CCDC24: variants seen among roughly 807,000 people sequenced by gnomAD.
CCDC24 encodes the protein coiled-coil domain containing 24, also known as coiled-coil domain-containing protein 24.
In CCDC24, 34 loss-of-function variants were observed where a neutral mutation model predicts 31.6. That is an observed-to-expected ratio of 1.08 (90% confidence interval 0.82 to 1.43). CCDC24 has a LOEUF of 1.43. CCDC24 is among the 40% of genes most tolerant of loss of function. The probability of loss-of-function intolerance (pLI) is 0.00; values close to 1 mark genes in which losing one functional copy is unlikely to be tolerated. For missense variants in CCDC24, 426 were observed against 391.1 expected (o/e 1.09, Z -0.75); for synonymous variants, 175 against 157.3 (o/e 1.11, Z -0.84).
Position 43,996,168 on chromosome 1 carries a change from G to A in CCDC24, c.*8G>A, listed in dbSNP as rs2085853690. On this transcript the variant is annotated 3_prime_UTR_variant, in exon 9 of 9. Coordinates refer to ENST00000372318, the MANE Select transcript of CCDC24 (RefSeq NM_152499.4). ...CCCCAAGCCCCAGCCTGAAGGGCTG[G>A]TCACCGAGTAGGCTCTGGCTTCTGC... The A allele has an allele frequency of 6.4e-7, 1 of 1,561,188 alleles. No homozygotes were observed. The highest frequency in any genetic ancestry group is 1.4e-5 in the African/African-American group (1 of 73,376).
chr1:43,996,248 A>G lies in CCDC24; in HGVS notation c.*88A>G. On this transcript the variant is annotated 3_prime_UTR_variant, in exon 9 of 9. Coordinates refer to ENST00000372318, the MANE Select transcript of CCDC24 (RefSeq NM_152499.4). Reference sequence around the variant, plus strand: ...CAGCTGCTTTGGCCCAGCCAGCTTCAGATCTGGTCTTGGCGAGCTCTCGCC... The same window carrying G: ...CAGCTGCTTTGGCCCAGCCAGCTTCGGATCTGGTCTTGGCGAGCTCTCGCC... 7 of 1,257,556 alleles carry G rather than the reference A, an allele frequency of 5.6e-6. No homozygotes were observed. The highest frequency in any genetic ancestry group is 5.5e-5 in the Admixed American group (2 of 36,104). 77.9% of individuals were successfully genotyped at this position (1,257,556 alleles called of 1,614,324 possible). A position where few individuals can be genotyped will look rare whatever the true frequency, so the allele number is the denominator to read the frequency against.
In CCDC24 at chr1:43,995,825, G is replaced by C. The variant is rs763992478; in HGVS notation, c.670G>C (p.Val224Leu). Residue 224 changes from valine (V) to leucine (L), a missense_variant, in exon 8 of 9, where the codon GTG (valine) becomes CTG (leucine). Coordinates refer to ENST00000372318, the MANE Select transcript of CCDC24 (RefSeq NM_152499.4). This position sits in a 1 kb window ranked among gnomAD's most constrained non-coding sequence, Gnocchi z 4.3. ...KAMEQELQAS[V>L]GPSCVSPNHR... ...CATGGAGCAGGAGCTGCAGGCATCT[G>C]TGGGGCCTTCTTGTGTCTCTCCCAA... 4 of 1,614,232 alleles carry C rather than the reference G, an allele frequency of 2.5e-6. No homozygotes were observed. The highest frequency in any genetic ancestry group is 2.5e-6 in the Non-Finnish European group (3 of 1,180,040).
At position 43,992,367 on chromosome 1, in the gene CCDC24, C is replaced by G. The variant is rs1479050237; in HGVS notation, c.282C>G (p.His94Gln). Residue 94 changes from histidine (H) to glutamine (Q), a missense_variant, in exon 3 of 9, where the codon CAC becomes CAG. By Grantham distance (24) the His-to-Gln change is conservative (BLOSUM62 0). Coordinates refer to ENST00000372318, the MANE Select transcript of CCDC24 (RefSeq NM_152499.4). ...ELRQLLQGLR[H>Q]KAICEGRDQA... ...GGCAGTTGCTCCAGGGTCTCCGCCA[C>G]AAAGCCATCTGTGAGGGCAGGTGGG... The G allele has an allele frequency of 3.1e-6, 5 of 1,614,066 alleles. No individual in the cohort carries two copies. The highest frequency in any genetic ancestry group is 1.6e-4 in the Middle Eastern group (1 of 6,084).
rs1240462565 is a variant in CCDC24, at chr1:43,991,747, G to A, written c.-33+1G>A. 2 of 1,195,212 alleles carry A rather than the reference G, an allele frequency of 1.7e-6. No individual in the cohort carries two copies. Among genetic ancestry groups the A allele is most frequent in the African/African-American group, 3.0e-5 (2 of 66,290 alleles). The allele number at this position is 1,195,212 out of a possible 1,614,324, so 74.0% of individuals were successfully genotyped here. Reference sequence around the variant, plus strand: ...CGAGGGGACCAGCGGCAGAGCACGGGTGGGGCTTGGGAGAGGGCGGGGCCC... The same window carrying A: ...CGAGGGGACCAGCGGCAGAGCACGGATGGGGCTTGGGAGAGGGCGGGGCCC... On this transcript the variant is annotated splice_donor_variant, in intron 1 of 8. Coordinates refer to ENST00000372318, the MANE Select transcript of CCDC24 (RefSeq NM_152499.4). LOFTEE classifies it low-confidence loss of function (5UTR_SPLICE).
At position 43,995,777 on chromosome 1, in the gene CCDC24, G is replaced by T. The variant is rs1329243957; in HGVS notation, c.623-1G>T. On this transcript the variant is annotated splice_acceptor_variant, in intron 7 of 8. Coordinates refer to ENST00000372318, the MANE Select transcript of CCDC24 (RefSeq NM_152499.4). LOFTEE classifies it high-confidence loss of function. The surrounding 1 kb of genome is among the most constrained non-coding windows in gnomAD (Gnocchi z 4.3). ...CTGTCTCAGCCCAATCTCTCCTTCA[G>T]AGCTAAAGGAACAGAAGAAGGCCAT... 2 of 1,614,210 alleles carry T rather than the reference G, an allele frequency of 1.2e-6. No individual in the cohort carries two copies. Among genetic ancestry groups the T allele is most frequent in the Non-Finnish European group, 1.7e-6 (2 of 1,180,034 alleles).
Position 43,993,952 on chromosome 1 carries a change from C to T in CCDC24, c.485C>T (p.Ala162Val). ...AACGTGTCCAACATTGACCAGGTGG[C>T]CAGACACCTGAGGTGAGGCCCAGGG... ...QLNVSNIDQV[A>V]RHLRGLLEEE... Residue 162 changes from alanine (A) to valine (V), a missense_variant, in exon 5 of 9, where the codon GCC becomes GTC. Physicochemically the swap from Ala to Val is moderately conservative, Grantham distance 64 (BLOSUM62 0). Coordinates refer to ENST00000372318, the MANE Select transcript of CCDC24 (RefSeq NM_152499.4). 6.2e-7 allele frequency: 1 copy of T among 1,614,044 alleles called. No individual in the cohort carries two copies.
At chr1:43,993,986 A>T in intron 5 of CCDC24, 22 bp downstream of exon 5, 1 of 1,593,648 alleles carries the variant, frequency 6.3e-7, no homozygotes. Context: ...GGGCACCTGC[A>T]TGTGTATAGG....
Position 43,992,608 on chromosome 1 carries a change from G to C in CCDC24, c.388G>C (p.Glu130Gln), listed in dbSNP as rs1031172633. The C allele has an allele frequency of 5.0e-6, 8 of 1,614,098 alleles. No individual in the cohort carries two copies. The African/African-American group carries it at 9.3e-5, about 19-fold the overall frequency. ...EEPRCDLPEQ[E>Q]IFQMRGGGPS... ...GCCCAGGTGTGATTTGCCAGAACAGGAGATATTCCAGATGAGAGGTGGTGG... is the reference window on the plus strand; with the variant it reads ...GCCCAGGTGTGATTTGCCAGAACAGCAGATATTCCAGATGAGAGGTGGTGG... Residue 130 changes from glutamate (E) to glutamine (Q), a missense_variant, in exon 4 of 9, where the codon GAG becomes CAG. Glu to Gln is a conservative substitution (Grantham distance 29). Transcript: ENST00000372318.
intron 5 of CCDC24, 117 bp from the exon 6 acceptor site, chr1:43,994,991 A>T: frequency 1.1e-6 from 1 of 877,698 alleles, no homozygotes; most frequent in South Asian, 1.5e-5. Flanking sequence ...GTGTGGGCTG[A>T]GGAAGGACAG....
rs187616405 is a variant in CCDC24 at position 43,992,629 on chromosome 1, G to T, written c.409G>T (p.Gly137Cys). ...PEQEIFQMRG[G>C]GPSSGHRDLS... The stretch of plus-strand genomic sequence containing the variant: ...ACAGGAGATATTCCAGATGAGAGGT[G>T]GTGGGCCCAGGTAAGGTGATGGTAG... Residue 137 changes from glycine to cysteine, a missense_variant, in exon 4 of 9, where the codon GGT (glycine) becomes TGT (cysteine). Gly to Cys is a radical substitution (Grantham distance 159). Coordinates refer to ENST00000372318, the MANE Select transcript of CCDC24 (RefSeq NM_152499.4). 2.0e-5 allele frequency: 32 copies of T among 1,614,134 alleles called. No individual in the cohort carries two copies. The East Asian group carries it at 6.5e-4, about 33-fold the overall frequency.
chr1:43,992,161 A>G lies in CCDC24; in HGVS notation c.127-51A>G, dbSNP rs537736588. ...CTCCCTCACTCCCCCAGCCCCCACC[A>G]TTCCGGACACTCCCCTCCCCAGTCG... On this transcript the variant is annotated intron_variant, in intron 2 of 8. Transcript: ENST00000372318. 27 of 1,545,434 alleles carry G rather than the reference A, an allele frequency of 1.7e-5. No homozygotes were observed. In the South Asian group the frequency reaches 2.9e-4, roughly 17 times the overall value.
At chr1:43,994,058 A>G (rs969893287) in intron 5 of CCDC24, 94 bp downstream of exon 5, 2 of 1,153,898 alleles carry the variant, frequency 1.7e-6, no homozygotes, top group South Asian at 2.6e-5. Context: ...GGTGGGTAGT[A>G]TACTTGGCGG....
intron 4 of CCDC24, among the ~76,000 whole-genome samples, chr1:43,993,408 C>T (rs1030539544): frequency 1.3e-5 from 2 of 151,384 alleles, no homozygotes; most frequent in African/African-American, 4.9e-5. Context: ...TGCACCTGTG[C>T]ACTCCAACCT....
chr1:43,993,453 AAAG>A lies in CCDC24; in HGVS notation c.420-430_420-428del, dbSNP rs1258979760. On this transcript the variant is annotated intron_variant, in intron 4 of 8. Coordinates refer to ENST00000372318, the MANE Select transcript of CCDC24 (RefSeq NM_152499.4). ...AGACCCTGTCTCTAAGAAAAAAAAA[AAAG>A]AAGCCTGGGCAACATAGTGAGACCC... 6.9e-4 allele frequency among the ~76,000 whole-genome samples: 105 copies of A among 151,932 alleles called. 3 individuals carry two copies. The highest frequency in any genetic ancestry group is 1.0e-3 in the African/African-American group (43 of 41,438).
Position 43,992,215 on chromosome 1 carries a change from G to T in CCDC24, c.130G>T (p.Ala44Ser), listed in dbSNP as rs533788120. Reference sequence around the variant, plus strand: ...GGTATCCCAGCTCTCCTTGCAGGTGGCGATGTTACGGGCACTGCTCCAAGA... The same window carrying T: ...GGTATCCCAGCTCTCCTTGCAGGTGTCGATGTTACGGGCACTGCTCCAAGA... ...DLSLELRAEV[A>S]MLRALLQEAR... Residue 44 changes from alanine (A) to serine (S), a missense_variant, in exon 3 of 9, where the codon GCG becomes TCG. Transcript: ENST00000372318. The T allele has an allele frequency of 4.2e-5, 67 of 1,610,848 alleles. No homozygotes were observed. In the South Asian group the frequency reaches 7.0e-4, roughly 17 times the overall value.
Position 43,995,927 on chromosome 1 carries a change from T to C in CCDC24, c.702-11T>C. 1 of 1,613,900 alleles carries C rather than the reference T, an allele frequency of 6.2e-7. No homozygotes were observed. The highest frequency in any genetic ancestry group is 8.5e-7 in the Non-Finnish European group (1 of 1,179,840). Reference sequence around the variant, plus strand: ...GACCACCACCCCTCACAGTTACTCTTTCTTGTCCAGGCAGCGGCCCTTGGG... The same window carrying C: ...GACCACCACCCCTCACAGTTACTCTCTCTTGTCCAGGCAGCGGCCCTTGGG... On this transcript the variant is annotated splice_polypyrimidine_tract_variant and intron_variant, in intron 8 of 8. Transcript: ENST00000372318. The surrounding 1 kb of genome is among the most constrained non-coding windows in gnomAD (Gnocchi z 4.3).
Position 43,995,158 on chromosome 1 carries a change from T to C in CCDC24, c.548T>C (p.Leu183Pro). The change falls in exon 6 of 9, where the codon CTG (leucine) becomes CCG (proline). Residue 183 changes from leucine to proline, a missense_variant. Leu to Pro is a moderately conservative substitution (Grantham distance 98). Coordinates refer to ENST00000372318, the MANE Select transcript of CCDC24 (RefSeq NM_152499.4). This position sits in a 1 kb window ranked among gnomAD's most constrained non-coding sequence, Gnocchi z 4.3. ...CHTLEREILI[L>P]QRCLEEEYLR... ...ACCTTGGAGAGGGAGATCCTCATCC[T>C]GCAGGTGAGCCGCAGCCCTGGGCCC... The C allele has an allele frequency of 6.4e-7, 1 of 1,572,664 alleles. No individual in the cohort carries two copies. The highest frequency in any genetic ancestry group is 1.2e-5 in the South Asian group (1 of 85,740).
rs2085861506 is a variant in CCDC24, at chr1:43,996,433, C to T, written c.*273C>T. The T allele has an allele frequency of 2.3e-6, 1 of 434,650 alleles. No homozygotes were observed. The highest frequency in any genetic ancestry group is 3.6e-5 in the East Asian group (1 of 27,796). The allele number at this position is 434,650 out of a possible 1,614,324, so 26.9% of individuals were successfully genotyped here. A position where few individuals can be genotyped will look rare whatever the true frequency, so the allele number is the denominator to read the frequency against. On this transcript the variant is annotated 3_prime_UTR_variant, in exon 9 of 9. Transcript: ENST00000372318. The stretch of plus-strand genomic sequence containing the variant: ...AGGCCTGGCAGACAGAGGTCTCATT[C>T]CAGCCTGACTCTTGTCCCCTGGGGG...
rs542028998 is a variant in CCDC24 at position 43,991,876 on chromosome 1, G to C, written c.-3G>C. 6.4e-7 allele frequency: 1 copy of C among 1,552,496 alleles called. No homozygotes were observed. Among genetic ancestry groups the C allele is most frequent in the East Asian group, 2.4e-5 (1 of 41,176 alleles). ...GAGCCGGGGACGGCGGCGTCGGTGG[G>C]TCATGCTCCGGCACTCCCCCTCGCT... On this transcript the variant is annotated 5_prime_UTR_variant, in exon 2 of 9. Coordinates refer to ENST00000372318, the MANE Select transcript of CCDC24 (RefSeq NM_152499.4).
Sources: allele counts gnomAD v4.1 joint callset (sites outside exome capture counted in the v4.1 genomes callset), GRCh38; gene constraint gnomAD v4.1.1; non-coding constraint Gnocchi (gnomAD v3.1); transcripts MANE v1.5; gene names NCBI Gene and HGNC (gene_info 2026-07-23, HGNC 2026-07-21).